The following PHF10 variants were observed in gnomAD, a reference collection of about 807,000 sequenced individuals.
The protein encoded by PHF10 is PHD finger protein 10.
In PHF10, 51 loss-of-function variants were observed where a neutral mutation model predicts 68.5. The ratio of observed to expected loss-of-function variants is 0.74; its 90% CI spans 0.59 to 0.94. The LOEUF is 0.94. Among genes scored for constraint, PHF10 ranks in the 40% least tolerant of loss-of-function variants. The pLI is 0.00. For synonymous variants in PHF10, 204 were observed against 203.5 expected (o/e 1.00, Z -0.02); for missense variants, 460 against 602.6 (o/e 0.76, Z 2.48).
At chr6:169,710,691 G>A (rs1788908731) in intron 8 of PHF10, among the ~76,000 whole-genome samples, 1 of 151,822 alleles carries the variant, frequency 6.6e-6, no homozygotes. Flanking sequence ...CTACTATTAC[G>A]GCACACAGCT....
chr6:169,705,067 G>A, intron 11 of PHF10, 66 bp downstream of exon 11: 1 of 1,232,210 alleles, frequency 8.1e-7, no homozygotes, highest in Non-Finnish European at 1.1e-6. Context: ...CGTTTATGCA[G>A]CCTTTTGGAG....
At chr6:169,716,559 A>G (rs945092742) in intron 4 of PHF10, among the ~76,000 whole-genome samples, 1 of 152,184 alleles carries the variant, frequency 6.6e-6, no homozygotes, top group Non-Finnish European at 1.5e-5. Context: ...ACAATTTTCA[A>G]AACTCACAGT....
At position 169,723,917 on chromosome 6, in the gene PHF10, G is replaced by A. The variant is rs978222402; in HGVS notation, c.15C>T (p.Ala5=). The stretch of plus-strand genomic sequence containing the variant: ...GCGGGGACAGCGCAGCCCCGGGCCC[G>A]GCCGCCGCCGCCATCAGCCCGAGCG... MAAA[A]GPGAALSPRP... Residue 5 remains alanine, a synonymous_variant, in exon 1 of 12, where the codon GCC becomes GCT. Transcript: ENST00000339209. 2.9e-6 allele frequency: 3 copies of A among 1,034,584 alleles called. No homozygotes were observed. Among genetic ancestry groups the A allele is most frequent in the Non-Finnish European group, 3.5e-6 (3 of 857,726 alleles). The allele number at this position is 1,034,584 out of a possible 1,614,324, so 64.1% of individuals were successfully genotyped here.
chr6:169,713,523 C>G (rs1788974166), intron 7 of PHF10, among the ~76,000 whole-genome samples: 1 of 149,986 alleles, frequency 6.7e-6, no homozygotes. Flanking sequence ...TCACTTGAAC[C>G]AGGAGGCAGA....
Position 169,704,028 on chromosome 6 carries a change from C to T in PHF10, c.1472G>A (p.Arg491Lys). 1 of 1,600,270 alleles carries T rather than the reference C, an allele frequency of 6.2e-7. No individual in the cohort carries two copies. Among genetic ancestry groups the T allele is most frequent in the Non-Finnish European group, 8.5e-7 (1 of 1,175,730 alleles). ...APPTPRKVGR[R>K]GKNSKEG ...TTATCCCTCTTTGCTGTTTTTCCCC[C>T]TTCTGCCCACTTTCCTGGGTGTTGG... Residue 491 changes from arginine to lysine, a missense_variant, in exon 12 of 12, where the codon AGG (arginine) becomes AAG (lysine). Around this residue, in one of 3 missense-constraint regions of PHF10, gnomAD observed 111 missense variants for 109.7 expected, o/e 1.01. Transcript: ENST00000339209.
chr6:169,704,196 G>A, intron 11 of PHF10, 108 bp from the exon 12 acceptor site: 1 of 762,030 alleles, frequency 1.3e-6, no homozygotes, highest in Non-Finnish European at 2.0e-6. Flanking sequence ...ATTCCTCTCT[G>A]GATTTTGTGG....
At chr6:169,717,472 C>T (rs1789076945) in intron 4 of PHF10, among the ~76,000 whole-genome samples, 1 of 152,180 alleles carries the variant, frequency 6.6e-6, no homozygotes, top group Non-Finnish European at 1.5e-5. Context: ...AATCAGCTAA[C>T]ACAAATTTTA....
chr6:169,705,465 A>G, intron 10 of PHF10, 144 bp from the exon 11 acceptor site: 1 of 713,810 alleles, frequency 1.4e-6, no homozygotes, highest in Non-Finnish European at 2.4e-6. Flanking sequence ...AATGTAGAGG[A>G]AAACACATGG....
chr6:169,710,559 A>T (rs1464199685), intron 8 of PHF10, among the ~76,000 whole-genome samples, 168 bp from the exon 9 acceptor site: 1 of 152,206 alleles, frequency 6.6e-6, no homozygotes, highest in Non-Finnish European at 1.5e-5. Context: ...AGACTAAAGT[A>T]AGTTATGTTA....
chr6:169,718,014 T>C, intron 3 of PHF10, 108 bp from the exon 4 acceptor site: 1 of 506,234 alleles, frequency 2.0e-6, no homozygotes, highest in Non-Finnish European at 3.6e-6. Flanking sequence ...ATATTACATA[T>C]TCCAAATATT....
chr6:169,709,224 C>T (rs1281049035), intron 9 of PHF10: 1 of 152,026 alleles, frequency 6.6e-6, no homozygotes, highest in Non-Finnish European at 1.5e-5. Context: ...AGGTGACTTA[C>T]TTCAGCCTGT....
intron 4 of PHF10, among the ~76,000 whole-genome samples, chr6:169,716,954 TA>T (rs1341183535): frequency 1.3e-5 from 2 of 152,188 alleles, no homozygotes; most frequent in African/African-American, 2.4e-5. Flanking sequence ...GAAAACTCTG[TA>T]AAAATTATTA....
chr6:169,704,218 CTA>C, intron 11 of PHF10, 130 bp from the exon 12 acceptor site: 8 of 598,994 alleles, frequency 1.3e-5, no homozygotes, highest in Non-Finnish European at 2.0e-5. Context: ...GAGAAGGGCA[CTA>C]TGAGTTCCTT....
chr6:169,704,263 TAATCAATGC>T (rs1326969465), intron 11 of PHF10, 175 bp from the exon 12 acceptor site: 1 of 531,446 alleles, frequency 1.9e-6, no homozygotes, highest in Non-Finnish European at 3.3e-6. Context: ...TTAATCAATG[TAATCAATGC>T]CATGCAAAAT....
At position 169,712,481 on chromosome 6, in the gene PHF10, G is replaced by C. The variant is rs761711784; in HGVS notation, c.862C>G (p.Leu288Val). Reference protein sequence around the residue: ...PLNTALYEPPLDPELPALDSD... With the variant: ...PLNTALYEPPVDPELPALDSD... ...TCTAGAGCAGGGAGCTCAGGATCCA[G>C]AGGGGGCTCATACAGGGCTGTGTTT... Residue 288 changes from leucine to valine, a missense_variant, in exon 8 of 12, where the codon CTG becomes GTG. Leu to Val is a conservative substitution (Grantham distance 32, BLOSUM62 1). Transcript: ENST00000339209. 2.5e-6 allele frequency: 4 copies of C among 1,613,826 alleles called. No individual in the cohort carries two copies. The highest frequency in any genetic ancestry group is 3.4e-6 in the Non-Finnish European group (4 of 1,179,716).
intron 3 of PHF10, 50 bp from the exon 4 acceptor site, chr6:169,717,956 C>A: frequency 2.5e-6 from 2 of 797,416 alleles, no homozygotes; most frequent in East Asian, 2.6e-5. Flanking sequence ...ACCTTATGCA[C>A]TTGTAAAACT....
At chr6:169,718,023 T>A in intron 3 of PHF10, 117 bp from the exon 4 acceptor site, 1 of 487,582 alleles carries the variant, frequency 2.1e-6, no homozygotes, top group Non-Finnish European at 3.7e-6. Context: ...ATTCCAAATA[T>A]TATTAAAGGG....
Position 169,723,869 on chromosome 6 carries a change from G to A in PHF10, c.63C>T (p.Ala21=). The A allele has an allele frequency of 9.1e-7, 1 of 1,101,858 alleles. No homozygotes were observed. The highest frequency in any genetic ancestry group is 1.1e-6 in the Non-Finnish European group (1 of 900,248). The allele number at this position is 1,101,858 out of a possible 1,614,324, so 68.3% of individuals were successfully genotyped here. ...LSPRPCDSDP[A]TPGAQSPKDD... The stretch of plus-strand genomic sequence containing the variant: ...CCTTCGGGGACTGCGCTCCGGGGGT[G>A]GCTGGGTCGCTGTCGCACGGCCGCG... The change falls in exon 1 of 12, where the codon GCC becomes GCT. Residue 21 remains alanine, a synonymous_variant. Transcript: ENST00000339209.
At chr6:169,706,695 T>C (rs577961201) in intron 9 of PHF10, among the ~76,000 whole-genome samples, 31 of 138,512 alleles carry the variant, frequency 2.2e-4, no homozygotes, top group African/African-American at 7.8e-4. Flanking sequence ...GGGCCAAGAA[T>C]GAAATGGGGT....
Sources: gnomAD v4.1 joint callset for allele counts (sites outside exome capture counted in the v4.1 genomes callset) on GRCh38, gnomAD v4.1.1 for gene constraint, gnomAD v4.1.1 regional missense constraint, MANE v1.5 for transcripts, NCBI Gene and HGNC (gene_info 2026-07-23, HGNC 2026-07-21) for gene names.